Variants in SNX13 observed in about 807,000 individuals in gnomAD.
The protein encoded by SNX13 is sorting nexin 13.
A neutral mutation model predicts 133.6 loss-of-function variants in SNX13; 45 were observed. The observed-to-expected ratio is 0.34, with a 90% confidence interval of 0.27 to 0.43. SNX13 has a LOEUF of 0.43. Among genes scored for constraint, SNX13 ranks in the 20% least tolerant of loss-of-function variants. The pLI is 1.00. For synonymous variants in SNX13, 414 were observed against 373.9 expected (o/e 1.11, Z -1.24); for missense variants, 1,032 against 1,145.1 (o/e 0.90, Z 1.43).
rs1180836836 is a variant in SNX13 at position 17,793,565 on chromosome 7, G to A, written c.*480C>T. On this transcript the variant is annotated 3_prime_UTR_variant, in exon 26 of 26. Coordinates refer to ENST00000428135, the MANE Select transcript of SNX13 (RefSeq NM_015132.5). Reference sequence around the variant, plus strand: ...AGATGTTTCAAGGATCATTCACCTGGCTAATCCACAATATATCAAAATGCT... The same window carrying A: ...AGATGTTTCAAGGATCATTCACCTGACTAATCCACAATATATCAAAATGCT... The A allele has an allele frequency of 1.3e-5, 2 of 152,516 alleles. No individual in the cohort carries two copies. The highest frequency in any genetic ancestry group is 2.9e-5 in the Non-Finnish European group (2 of 68,392). 9.4% of individuals were successfully genotyped at this position (152,516 alleles called of 1,614,324 possible). A position where few individuals can be genotyped will look rare whatever the true frequency, so the allele number is the denominator to read the frequency against.
At chr7:17,853,082 G>A (rs1230954053) in intron 9 of SNX13, among the ~76,000 whole-genome samples, 1 of 152,136 alleles carries the variant, frequency 6.6e-6, no homozygotes, top group Non-Finnish European at 1.5e-5. Context: ...TAACATAACA[G>A]GAAAAATTTA....
chr7:17,855,393 T>C (rs769051465), intron 9 of SNX13, among the ~76,000 whole-genome samples: 11 of 152,326 alleles, frequency 7.2e-5, no homozygotes, highest in Middle Eastern at 3.4e-3. Context: ...AACAGCCTTA[T>C]ATGGAGAAAA....
chr7:17,865,587 T>C (rs1377657184), intron 9 of SNX13, among the ~76,000 whole-genome samples: 2 of 152,152 alleles, frequency 1.3e-5, no homozygotes, highest in African/African-American at 4.8e-5. Context: ...AAGCAACCCA[T>C]ATCAAAATAC....
intron 9 of SNX13, among the ~76,000 whole-genome samples, chr7:17,851,388 T>A (rs1278982181): frequency 6.6e-6 from 1 of 152,184 alleles, no homozygotes; most frequent in African/African-American, 2.4e-5. Context: ...ACCTAAAATA[T>A]AACACAACCA....
chr7:17,855,832 TCTTA>T (rs1435093767), intron 9 of SNX13, among the ~76,000 whole-genome samples: 1 of 152,214 alleles, frequency 6.6e-6, no homozygotes. Flanking sequence ...ACCTCTCAAG[TCTTA>T]CTATTTAGGA....
intron 5 of SNX13, among the ~76,000 whole-genome samples, chr7:17,887,768 T>C (rs780049990): frequency 6.0e-5 from 9 of 151,100 alleles, no homozygotes; most frequent in Non-Finnish European, 8.8e-5. Flanking sequence ...GATGAATAAA[T>C]ACAAACACTA....
intron 20 of SNX13, among the ~76,000 whole-genome samples, chr7:17,806,873 A>G (rs1424475076): frequency 1.3e-5 from 2 of 152,200 alleles, no homozygotes; most frequent in Non-Finnish European, 2.9e-5. Flanking sequence ...CTCCTTCCCT[A>G]GCCAAGGGAA....
intron 8 of SNX13, among the ~76,000 whole-genome samples, chr7:17,871,144 G>T (rs966710166): frequency 3.2e-4 from 49 of 151,910 alleles, no homozygotes; most frequent in African/African-American, 6.0e-4. Context: ...TAGCTGGGAT[G>T]ACAGGCGCCT....
intron 15 of SNX13, chr7:17,830,977 T>C: frequency 1.7e-5 from 17 of 984,272 alleles, no homozygotes; most frequent in Non-Finnish European, 1.8e-5. Context: ...CCTCTGGTCA[T>C]AAAAAAATGG....
intron 20 of SNX13, among the ~76,000 whole-genome samples, chr7:17,813,793 C>G (rs1044582697): frequency 2.6e-5 from 4 of 151,802 alleles, no homozygotes; most frequent in Non-Finnish European, 4.4e-5. Flanking sequence ...TCGCTGTTAC[C>G]AGGGTTAGTC....
chr7:17,831,915 A>T, intron 15 of SNX13: 1 of 984,446 alleles, frequency 1.0e-6, no homozygotes, highest in Non-Finnish European at 1.2e-6. Context: ...CAAAGCTGAC[A>T]GTTACTTTAA....
intron 5 of SNX13, chr7:17,881,219 CAT>C (rs1795299958): frequency 1.4e-5 from 2 of 143,520 alleles, no homozygotes; most frequent in Non-Finnish European, 3.0e-5. Context: ...TGTAGGTATA[CAT>C]AGACACTATA....
chr7:17,925,644 A>G (rs1379313301), intron 1 of SNX13, among the ~76,000 whole-genome samples: 1 of 152,204 alleles, frequency 6.6e-6, no homozygotes, highest in African/African-American at 2.4e-5. Flanking sequence ...CCCATGAGAC[A>G]CTTGGCAATG....
intron 9 of SNX13, among the ~76,000 whole-genome samples, chr7:17,854,809 G>A (rs1344022757): frequency 6.6e-6 from 1 of 152,156 alleles, no homozygotes; most frequent in East Asian, 1.9e-4. Flanking sequence ...AGTTAGAACA[G>A]TTAGTAACCC....
intron 11 of SNX13, among the ~76,000 whole-genome samples, chr7:17,845,913 T>C (rs1013910255): frequency 3.9e-5 from 6 of 152,134 alleles, no homozygotes; most frequent in Admixed American, 1.3e-4. Context: ...TTAAAAATAA[T>C]AGCATTCAAC....
chr7:17,928,382 TTAAC>T (rs1801007494), intron 1 of SNX13, among the ~76,000 whole-genome samples: 1 of 152,168 alleles, frequency 6.6e-6, no homozygotes, highest in African/African-American at 2.4e-5. Context: ...GCTAACCACT[TTAAC>T]TATATCTAGT....
intron 18 of SNX13, among the ~76,000 whole-genome samples, chr7:17,819,649 T>G (rs1787058602): frequency 6.6e-6 from 1 of 152,226 alleles, no homozygotes; most frequent in Non-Finnish European, 1.5e-5. Flanking sequence ...TGTGACCAAC[T>G]GCTGAATTAC....
chr7:17,929,673 G>C (rs1801169002), intron 1 of SNX13, among the ~76,000 whole-genome samples: 1 of 152,070 alleles, frequency 6.6e-6, no homozygotes, highest in Non-Finnish European at 1.5e-5. Flanking sequence ...TACAATAATA[G>C]CATTTCAAAA....
Position 17,850,394 on chromosome 7 carries a change from C to G in SNX13, c.1018G>C (p.Val340Leu). 6.3e-7 allele frequency: 1 copy of G among 1,593,202 alleles called. No homozygotes were observed. The highest frequency in any genetic ancestry group is 8.5e-7 in the Non-Finnish European group (1 of 1,170,834). ...ATTCTTGAGTCACATACCTTCTTTA[C>G]GAATAGTAAGCTATTTATTTGATTT... is the stretch of plus-strand genomic sequence containing the variant. The part of the protein sequence containing the change: ...IKNQINSLLF[V>L]KKVCDSRIQR... The change falls in exon 11 of 26, where the codon GTA becomes CTA. Residue 340 changes from valine (V) to leucine (L), a missense_variant. Coordinates refer to ENST00000428135, the MANE Select transcript of SNX13 (RefSeq NM_015132.5).
Sources: gnomAD v4.1 joint callset for allele counts (sites outside exome capture counted in the v4.1 genomes callset) on GRCh38, gnomAD v4.1.1 for gene constraint, MANE v1.5 for transcripts, NCBI Gene and HGNC (gene_info 2026-07-23, HGNC 2026-07-21) for gene names.